The following LAMA4 variants were observed in gnomAD, a reference collection of about 807,000 sequenced individuals.
LAMA4 encodes the protein laminin subunit alpha-4.
In LAMA4, 127 loss-of-function variants were observed where a neutral mutation model predicts 207.1. The ratio of observed to expected loss-of-function variants is 0.61; its 90% CI spans 0.53 to 0.71. LAMA4 has a LOEUF of 0.71. LAMA4 is among the 30% of genes least tolerant of loss of function. The pLI is 0.00. For synonymous variants in LAMA4, 761 were observed against 816.0 expected (o/e 0.93, Z 1.15); for missense variants, 2,093 against 2,246.5 (o/e 0.93, Z 1.38).
intron 4 of LAMA4, among the ~76,000 whole-genome samples, chr6:112,205,735 G>T (rs549391107): frequency 2.6e-4 from 39 of 151,802 alleles, no homozygotes; most frequent in Admixed American, 7.2e-4. Context: ...TTGAGAGTGG[G>T]AGCCTATGAC....
At chr6:112,227,366 G>A (rs531828848) in intron 2 of LAMA4, among the ~76,000 whole-genome samples, 20 of 152,172 alleles carry the variant, frequency 1.3e-4, no homozygotes, top group Non-Finnish European at 2.1e-4. Context: ...ACCGTGCCCC[G>A]CCTGACTATG....
At chr6:112,244,528 C>G (rs1330630628) in intron 2 of LAMA4, among the ~76,000 whole-genome samples, 1 of 152,188 alleles carries the variant, frequency 6.6e-6, no homozygotes, top group Non-Finnish European at 1.5e-5. Context: ...TATTCCTTTA[C>G]TTTCTTAATA....
At chr6:112,172,136 T>A (rs1781752853) in intron 12 of LAMA4, 1 of 197,286 alleles carries the variant, frequency 5.1e-6, no homozygotes, top group Non-Finnish European at 1.0e-5. Context: ...TATGATCACA[T>A]CTGGGAATCC....
Position 112,118,257 on chromosome 6 carries a change from G to T in LAMA4, c.4822-359C>A, listed in dbSNP as rs782109653. ...CCTAAGGCTGATGAGGGCTAGCAAA[G>T]TTCTTTACTTAAATCTACCATAGCC... On this transcript the variant is annotated intron_variant, in intron 34 of 38. Transcript: ENST00000230538. The surrounding 1 kb of genome is among the most constrained non-coding windows in gnomAD (Gnocchi z 4.6). 1.1e-4 allele frequency among the ~76,000 whole-genome samples: 16 copies of T among 152,210 alleles called. No individual in the cohort carries two copies. The highest frequency in any genetic ancestry group is 2.4e-4 in the Non-Finnish European group (16 of 68,034).
intron 2 of LAMA4, among the ~76,000 whole-genome samples, chr6:112,229,617 C>T (rs1402271137): frequency 2.6e-5 from 4 of 152,176 alleles, no homozygotes; most frequent in African/African-American, 9.7e-5. Context: ...GTGCTTCTTA[C>T]AAGGCATATT....
intron 26 of LAMA4, 58 bp from the exon 27 acceptor site, chr6:112,133,545 T>C: frequency 6.3e-7 from 1 of 1,594,646 alleles, no homozygotes; most frequent in Non-Finnish European, 8.6e-7. Context: ...ACCCTGCATA[T>C]GTAGGCTATG....
chr6:112,127,609 T>C (rs1482196891), intron 31 of LAMA4, among the ~76,000 whole-genome samples: 3 of 152,136 alleles, frequency 2.0e-5, no homozygotes, highest in Admixed American at 6.5e-5. Context: ...CTTGGGCTTT[T>C]ACTCGGAGTG....
At chr6:112,132,429 G>A (rs1779091115) in intron 28 of LAMA4, among the ~76,000 whole-genome samples, 1 of 152,032 alleles carries the variant, frequency 6.6e-6, no homozygotes. Context: ...ACTGTGGTGT[G>A]TTGCCTAGAG....
At chr6:112,163,560 C>CA (rs1781207373) in intron 13 of LAMA4, among the ~76,000 whole-genome samples, 1 of 152,050 alleles carries the variant, frequency 6.6e-6, no homozygotes. Context: ...CCGGGAGAGA[C>CA]AGGCGGGTCG....
At chr6:112,177,282 A>G (rs1379163936) in intron 10 of LAMA4, among the ~76,000 whole-genome samples, 1 of 152,192 alleles carries the variant, frequency 6.6e-6, no homozygotes, top group Non-Finnish European at 1.5e-5. Context: ...TTTGCATGCA[A>G]TATGCCCCAG....
chr6:112,187,235 A>T, intron 8 of LAMA4: 1 of 666,158 alleles, frequency 1.5e-6, no homozygotes, highest in East Asian at 2.8e-5. Context: ...TCTTTTGTAG[A>T]CAGTAGTTCT....
chr6:112,180,016 AT>A lies in LAMA4; in HGVS notation c.1078-1785del, dbSNP rs534029416. 1.6e-3 allele frequency: 725 copies of A among 467,370 alleles called. 2 individuals are homozygous for A. Among genetic ancestry groups the A allele is most frequent in the Admixed American group, 2.4e-3 (95 of 40,126 alleles). The allele number at this position is 467,370 out of a possible 1,614,324, so 29.0% of individuals were successfully genotyped here. The stretch of plus-strand genomic sequence containing the variant: ...TATGCAGAAACTATAATAAATCTTA[AT>A]ATTACTCCTCCCTGCTTTTAAAAAA... On this transcript the variant is annotated intron_variant, in intron 9 of 38. Transcript: ENST00000230538.
intron 9 of LAMA4, among the ~76,000 whole-genome samples, chr6:112,181,752 G>A (rs966059856): frequency 2.6e-5 from 4 of 152,136 alleles, no homozygotes; most frequent in African/African-American, 9.7e-5. Context: ...CTAGACTGAA[G>A]CATCTTGAAA....
intron 2 of LAMA4, among the ~76,000 whole-genome samples, chr6:112,228,991 A>C (rs1785391052): frequency 6.6e-6 from 1 of 152,170 alleles, no homozygotes; most frequent in Non-Finnish European, 1.5e-5. Context: ...GCGAAGTGAT[A>C]CCTGATTCAC....
intron 2 of LAMA4, among the ~76,000 whole-genome samples, chr6:112,244,717 C>T (rs1313823672): frequency 6.6e-6 from 1 of 152,146 alleles, no homozygotes; most frequent in Non-Finnish European, 1.5e-5. Flanking sequence ...TCTCTTCTCA[C>T]GTACAAAATG....
intron 9 of LAMA4, among the ~76,000 whole-genome samples, chr6:112,183,043 T>G (rs1208440565): frequency 1.3e-5 from 2 of 152,158 alleles, no homozygotes; most frequent in Non-Finnish European, 2.9e-5. Flanking sequence ...AACCCGTAGC[T>G]AGGTGGATGT....
intron 2 of LAMA4, among the ~76,000 whole-genome samples, chr6:112,227,174 C>G (rs1785267664): frequency 6.6e-6 from 1 of 152,012 alleles, no homozygotes; most frequent in Admixed American, 6.6e-5. Flanking sequence ...CAGATTCAAG[C>G]AATTGTCTGT....
chr6:112,225,248 C>T (rs1398510584), intron 2 of LAMA4, among the ~76,000 whole-genome samples: 1 of 152,154 alleles, frequency 6.6e-6, no homozygotes, highest in Non-Finnish European at 1.5e-5. Context: ...TTATAGGCAC[C>T]TGAAGTTGAG....
At chr6:112,173,559 T>G (rs1554342655) in intron 11 of LAMA4, among the ~76,000 whole-genome samples, 1 of 152,196 alleles carries the variant, frequency 6.6e-6, no homozygotes, top group Non-Finnish European at 1.5e-5. Flanking sequence ...GGAAGTCTTG[T>G]TAAATTCCAC....
Sources: gnomAD v4.1 joint callset for allele counts (sites outside exome capture counted in the v4.1 genomes callset) on GRCh38, gnomAD v4.1.1 for gene constraint, Gnocchi (gnomAD v3.1) non-coding constraint, MANE v1.5 for transcripts, NCBI Gene and HGNC (gene_info 2026-07-23, HGNC 2026-07-21) for gene names.